The following PRKCA variants were observed in gnomAD, a reference collection of about 807,000 sequenced individuals.
The protein encoded by PRKCA is protein kinase C alpha type.
PRKCA carries 27 observed loss-of-function variants against 87.0 expected under a neutral mutation model. The ratio of observed to expected loss-of-function variants is 0.31; its 90% CI spans 0.23 to 0.43. PRKCA has a LOEUF of 0.43. PRKCA is among the 20% of genes least tolerant of loss of function. The pLI is 1.00. For synonymous variants in PRKCA, 329 were observed against 311.1 expected, an observed-to-expected ratio of 1.06 and a Z score of -0.61; for missense variants, 518 against 852.3, an observed-to-expected ratio of 0.61 and a Z score of 4.88.
chr17:66,505,938 C>T (rs1916956330), intron 3 of PRKCA, among the ~76,000 whole-genome samples: 1 of 152,168 alleles, frequency 6.6e-6, no homozygotes, highest in Admixed American at 6.5e-5. Flanking sequence ...AAGTGATCCT[C>T]CTGCGTAGCT....
At chr17:66,712,116 A>T (rs577786931) in intron 8 of PRKCA, among the ~76,000 whole-genome samples, 2 of 152,106 alleles carry the variant, frequency 1.3e-5, no homozygotes, top group African/African-American at 4.8e-5. Flanking sequence ...ACCTGAATAC[A>T]CTGAGCCTCT....
intron 3 of PRKCA, among the ~76,000 whole-genome samples, chr17:66,606,328 C>T (rs1215966375): frequency 6.6e-6 from 1 of 152,146 alleles, no homozygotes; most frequent in Admixed American, 6.5e-5. Flanking sequence ...GCAGAGATTG[C>T]ATGCAGTGAG....
At chr17:66,527,891 A>G (rs1967400301) in intron 3 of PRKCA, among the ~76,000 whole-genome samples, 1 of 152,242 alleles carries the variant, frequency 6.6e-6, no homozygotes, top group East Asian at 1.9e-4. Flanking sequence ...TGTTTAATAC[A>G]GTATTCCATT....
rs991487436 is a variant in PRKCA, at chr17:66,467,821, G to A, written c.206-28380G>A. ...GATCCCCACGCCTTGGCCTTCCAAA[G>A]TGCTAGGATTACAGGTATGAGCCAC... is the stretch of plus-strand genomic sequence containing the variant. On this transcript the variant is annotated intron_variant, in intron 2 of 16. Transcript: ENST00000413366. Among the ~76,000 whole-genome samples the A allele has an allele frequency of 5.3e-5, 8 of 152,078 alleles. No homozygotes were observed. The East Asian group carries it at 1.5e-3, about 29-fold the overall frequency.
Position 66,309,589 on chromosome 17 carries a change from T to C in PRKCA, c.205+3462T>C, listed in dbSNP as rs1398154969. On this transcript the variant is annotated intron_variant, in intron 2 of 16. Transcript: ENST00000413366. ...TTCTTCTGGGGAGGAGAAAGATGAG[T>C]GTGTAGTAGATTTCCAAGTGGGAAA... Among the ~76,000 whole-genome samples, 5 of 152,024 alleles carry C rather than the reference T, an allele frequency of 3.3e-5. No homozygotes were observed. The South Asian group carries it at 8.3e-4, about 25-fold the overall frequency.
At chr17:66,424,528 C>T (rs1409872974) in intron 2 of PRKCA, among the ~76,000 whole-genome samples, 3 of 147,806 alleles carry the variant, frequency 2.0e-5, no homozygotes, top group Admixed American at 2.0e-4. Flanking sequence ...GATGGCACCA[C>T]TGCACTATAG....
At chr17:66,351,824 C>A (rs965996050) in intron 2 of PRKCA, among the ~76,000 whole-genome samples, 4 of 152,028 alleles carry the variant, frequency 2.6e-5, no homozygotes, top group African/African-American at 7.2e-5. Flanking sequence ...AGTCTGGAAC[C>A]AGGACTAGGG....
intron 3 of PRKCA, among the ~76,000 whole-genome samples, chr17:66,553,595 A>G (rs142517788): frequency 6.6e-6 from 1 of 152,334 alleles, no homozygotes; most frequent in Non-Finnish European, 1.5e-5. Flanking sequence ...TGTAAAAGGC[A>G]TCGTAGCTTC....
intron 8 of PRKCA, among the ~76,000 whole-genome samples, chr17:66,720,136 G>T (rs1433180798): frequency 6.6e-6 from 1 of 152,238 alleles, no homozygotes; most frequent in East Asian, 1.9e-4. Context: ...GAGGGAGGGA[G>T]TATGCACCAC....
intron 2 of PRKCA, among the ~76,000 whole-genome samples, chr17:66,440,761 C>T (rs991053292): frequency 4.6e-5 from 7 of 152,134 alleles, no homozygotes; most frequent in Non-Finnish European, 7.4e-5. Context: ...CATGATGACT[C>T]AGGCCGGGAA....
rs397856363 is a variant in PRKCA at position 66,588,635 on chromosome 17, C to CTTTTT, written c.289-52697_289-52693dup. Among the ~76,000 whole-genome samples the CTTTTT allele has an allele frequency of 1.2e-3, 45 of 39,108 alleles. 3 individuals carry two copies. Among genetic ancestry groups the CTTTTT allele is most frequent in the African/African-American group, 2.3e-3 (20 of 8,546 alleles). 25.7% of individuals were successfully genotyped at this position (39,108 alleles called of 152,430 possible). ...CTTTCTGAGGTTTTATTTTGCTTTG[C>CTTTTT]TTTTTTTTTTTTTTTTTTTTTTTTT... On this transcript the variant is annotated intron_variant, in intron 3 of 16. Transcript: ENST00000413366.
chr17:66,455,592 G>A (rs1914544290), intron 2 of PRKCA, among the ~76,000 whole-genome samples: 1 of 152,234 alleles, frequency 6.6e-6, no homozygotes, highest in Non-Finnish European at 1.5e-5. Context: ...GTCTGGCTGA[G>A]TCAAACTTAC....
In PRKCA at chr17:66,302,816, C is replaced by T; in HGVS notation, c.-36C>T. ...CCCACCCGGCCCTCCGCGGCCGCAG[C>T]TCCCCGGCGGAGGCAAGAGGTGGTT... On this transcript the variant is annotated 5_prime_UTR_variant, in exon 1 of 17. Transcript: ENST00000413366. 2 of 1,482,478 alleles carry T rather than the reference C, an allele frequency of 1.3e-6. No individual in the cohort carries two copies. Among genetic ancestry groups the T allele is most frequent in the Non-Finnish European group, 1.8e-6 (2 of 1,109,844 alleles). 91.8% of individuals were successfully genotyped at this position (1,482,478 alleles called of 1,614,324 possible).
intron 3 of PRKCA, among the ~76,000 whole-genome samples, chr17:66,531,170 A>G (rs1300885650): frequency 6.6e-6 from 1 of 152,170 alleles, no homozygotes; most frequent in African/African-American, 2.4e-5. Flanking sequence ...GCCTTCTATT[A>G]AATGGGCAGA....
intron 8 of PRKCA, among the ~76,000 whole-genome samples, chr17:66,698,234 G>T (rs1418227492): frequency 6.6e-6 from 1 of 152,166 alleles, no homozygotes; most frequent in East Asian, 1.9e-4. Context: ...AAGGAGCCAT[G>T]ACATCACAAA....
At chr17:66,630,494 G>T (rs1329225315) in intron 3 of PRKCA, among the ~76,000 whole-genome samples, 1 of 152,208 alleles carries the variant, frequency 6.6e-6, no homozygotes, top group Non-Finnish European at 1.5e-5. Context: ...AAGTTTAGCT[G>T]CTTCAAGAAG....
chr17:66,466,133 G>C (rs1282009575), intron 2 of PRKCA, among the ~76,000 whole-genome samples: 1 of 152,198 alleles, frequency 6.6e-6, no homozygotes, highest in Non-Finnish European at 1.5e-5. Flanking sequence ...GCCCAATACT[G>C]AGAATTTTAA....
At chr17:66,651,769 C>G (rs1045987371) in intron 5 of PRKCA, among the ~76,000 whole-genome samples, 3 of 152,054 alleles carry the variant, frequency 2.0e-5, no homozygotes, top group Non-Finnish European at 4.4e-5. Flanking sequence ...CAGGGGCACC[C>G]AGAGTGTCCA....
chr17:66,306,554 T>G (rs1454876991), intron 2 of PRKCA, among the ~76,000 whole-genome samples: 1 of 152,178 alleles, frequency 6.6e-6, no homozygotes, highest in Non-Finnish European at 1.5e-5. Context: ...CTAGTAAGGG[T>G]TTGTTTTGTT....
Sources: allele counts gnomAD v4.1 joint callset (sites outside exome capture counted in the v4.1 genomes callset), GRCh38; gene constraint gnomAD v4.1.1; transcripts MANE v1.5; gene names NCBI Gene and HGNC (gene_info 2026-07-23, HGNC 2026-07-21).